DPP10: variants seen among roughly 807,000 people sequenced by gnomAD.
DPP10 encodes dipeptidyl peptidase like 10.
In DPP10, 33 loss-of-function variants were observed where a neutral mutation model predicts 120.9. The observed-to-expected ratio is 0.27, with a 90% CI of 0.21 to 0.37. DPP10 has a LOEUF of 0.37. Among genes scored for constraint, DPP10 ranks in the 10% least tolerant of loss-of-function variants. The pLI, the probability that DPP10 is intolerant of heterozygous loss-of-function variation, is 1.00. For missense variants in DPP10, 816 were observed against 942.8 expected (o/e 0.87, Z 1.76); for synonymous variants, 337 against 326.1 (o/e 1.03, Z -0.36).
intron 1 of DPP10, among the ~76,000 whole-genome samples, chr2:114,981,654 C>T (rs1035860247): frequency 4.6e-5 from 7 of 152,184 alleles, no homozygotes; most frequent in African/African-American, 1.7e-4. Flanking sequence ...AATTATAGCT[C>T]ACTGCAGCCT....
chr2:114,985,540 G>A (rs555040311), intron 1 of DPP10, among the ~76,000 whole-genome samples: 7 of 152,322 alleles, frequency 4.6e-5, no homozygotes, highest in African/African-American at 1.7e-4. Context: ...CTGGCATGTA[G>A]TAAGCAAGTG....
chr2:115,176,102 C>A (rs1170421698), intron 1 of DPP10, among the ~76,000 whole-genome samples: 1 of 151,960 alleles, frequency 6.6e-6, no homozygotes, highest in Non-Finnish European at 1.5e-5. Flanking sequence ...TGACACTTGT[C>A]CTAGAGGATG....
intron 1 of DPP10, among the ~76,000 whole-genome samples, chr2:115,140,018 G>GCCCT (rs1284098620): frequency 9.9e-5 from 15 of 152,226 alleles, no homozygotes; most frequent in African/African-American, 3.1e-4. Context: ...CTTAGGGCAT[G>GCCCT]AACGTGAAAA....
intron 5 of DPP10, among the ~76,000 whole-genome samples, chr2:115,555,008 A>G (rs2080118348): frequency 6.6e-6 from 1 of 152,082 alleles, no homozygotes; most frequent in Non-Finnish European, 1.5e-5. Context: ...GGGAGAAAAT[A>G]TCTAACTTCT....
At chr2:115,704,378 A>G (rs1250491991) in intron 7 of DPP10, among the ~76,000 whole-genome samples, 2 of 151,860 alleles carry the variant, frequency 1.3e-5, no homozygotes, top group Non-Finnish European at 2.9e-5. Flanking sequence ...CTCTCAAATA[A>G]TTTTTAATAC....
At chr2:115,490,159 A>G (rs942576283) in intron 3 of DPP10, among the ~76,000 whole-genome samples, 1 of 152,158 alleles carries the variant, frequency 6.6e-6, no homozygotes, top group Admixed American at 6.5e-5. Flanking sequence ...TCATGGTGGT[A>G]TAAAGAAATA....
At chr2:114,482,586 A>G (rs1187762696) in intron 1 of DPP10, among the ~76,000 whole-genome samples, 2 of 152,178 alleles carry the variant, frequency 1.3e-5, no homozygotes, top group African/African-American at 2.4e-5. Context: ...ATCTGCAGTC[A>G]TATTTAAACA....
At chr2:114,553,847 T>C (rs1016670915) in intron 1 of DPP10, among the ~76,000 whole-genome samples, 2 of 152,216 alleles carry the variant, frequency 1.3e-5, no homozygotes, top group Non-Finnish European at 2.9e-5. Flanking sequence ...CAATAATTAA[T>C]TCAACAACTA....
chr2:115,815,796 A>T, intron 21 of DPP10, 67 bp downstream of exon 21: 2 of 1,470,744 alleles, frequency 1.4e-6, no homozygotes, highest in Non-Finnish European at 1.9e-6. Context: ...CCTATTACAC[A>T]TTCACAGGAG....
At chr2:115,550,396 T>C (rs1441974142) in intron 5 of DPP10, among the ~76,000 whole-genome samples, 1 of 152,098 alleles carries the variant, frequency 6.6e-6, no homozygotes, top group South Asian at 2.1e-4. Flanking sequence ...CTCTGAAACA[T>C]GTTTTCAGAA....
intron 1 of DPP10, among the ~76,000 whole-genome samples, chr2:114,565,962 A>T (rs1689166666): frequency 6.6e-6 from 1 of 152,210 alleles, no homozygotes; most frequent in Non-Finnish European, 1.5e-5. Flanking sequence ...GTTACTAGAA[A>T]TACTGCAATG....
chr2:115,134,881 T>C (rs2050569891), intron 1 of DPP10, among the ~76,000 whole-genome samples: 1 of 152,042 alleles, frequency 6.6e-6, no homozygotes, highest in Non-Finnish European at 1.5e-5. Context: ...TTACATCAGA[T>C]TAAAGAAGAT....
chr2:115,418,675 G>A (rs1021397624), intron 3 of DPP10, among the ~76,000 whole-genome samples: 1 of 151,992 alleles, frequency 6.6e-6, no homozygotes, highest in Non-Finnish European at 1.5e-5. Flanking sequence ...GGGAGTCTGA[G>A]GAAGGAGGAT....
chr2:114,932,390 C>T lies in DPP10; in HGVS notation c.61-376849C>T, dbSNP rs1056633965. Among the ~76,000 whole-genome samples the T allele has an allele frequency of 3.9e-5, 6 of 152,214 alleles. No individual in the cohort carries two copies. In the East Asian group the frequency reaches 5.8e-4, roughly 15 times the overall value. On this transcript the variant is annotated intron_variant, in intron 1 of 25. Coordinates refer to ENST00000410059, the MANE Select transcript of DPP10 (RefSeq NM_020868.6). The stretch of plus-strand genomic sequence containing the variant: ...CATAACAGCTTTATATACATCATGG[C>T]CCATGGCTGAAATAACCCAAATATA...
chr2:115,728,097 T>C (rs2092809917), intron 8 of DPP10, among the ~76,000 whole-genome samples, 161 bp downstream of exon 8: 1 of 152,084 alleles, frequency 6.6e-6, no homozygotes, highest in East Asian at 1.9e-4. Context: ...CATGTGCTTA[T>C]ATTTTGTGTG....
intron 3 of DPP10, among the ~76,000 whole-genome samples, chr2:115,399,364 A>G (rs916871822): frequency 5.9e-5 from 9 of 152,174 alleles, no homozygotes; most frequent in Admixed American, 1.3e-4. Context: ...ACTATGATCA[A>G]AACTCTTGAT....
At chr2:114,813,188 G>C (rs1271814901) in intron 1 of DPP10, among the ~76,000 whole-genome samples, 1 of 152,060 alleles carries the variant, frequency 6.6e-6, no homozygotes, top group East Asian at 1.9e-4. Flanking sequence ...ATGATTTTTT[G>C]ATAATGAGTG....
chr2:115,208,148 C>T (rs917065680), intron 1 of DPP10, among the ~76,000 whole-genome samples: 1 of 151,514 alleles, frequency 6.6e-6, no homozygotes, highest in Non-Finnish European at 1.5e-5. Context: ...AAGCTAGAAT[C>T]ACAATCCACA....
intron 1 of DPP10, among the ~76,000 whole-genome samples, chr2:114,607,675 CTG>C (rs1692928386): frequency 6.6e-6 from 1 of 152,206 alleles, no homozygotes. Flanking sequence ...TTCTTTCAGT[CTG>C]TCCTCATAGT....
Sources: gnomAD v4.1 joint callset for allele counts (sites outside exome capture counted in the v4.1 genomes callset) on GRCh38, gnomAD v4.1.1 for gene constraint, MANE v1.5 for transcripts, NCBI Gene and HGNC (gene_info 2026-07-23, HGNC 2026-07-21) for gene names.